Variants in RUFY1 observed in about 807,000 individuals in gnomAD.
RUFY1 encodes RUN and FYVE domain-containing protein 1.
In RUFY1, 54 loss-of-function variants were observed where a neutral mutation model predicts 94.6. The ratio of observed to expected loss-of-function variants is 0.57; its 90% CI spans 0.46 to 0.72. RUFY1 has a LOEUF of 0.72. Ranked by LOEUF, RUFY1 falls within the 30% of genes least tolerant of loss-of-function variation. The pLI, the probability that RUFY1 is intolerant of heterozygous loss-of-function variation, is 0.00. For missense variants in RUFY1, 883 were observed against 883.9 expected (o/e 1.00, Z 0.01); for synonymous variants, 396 against 347.3 (o/e 1.14, Z -1.56).
At position 179,571,305 on chromosome 5, in the gene RUFY1, G is replaced by A. The variant is rs183370902; in HGVS notation, c.828+1880G>A. 2.3e-3 allele frequency among the ~76,000 whole-genome samples: 351 copies of A among 152,116 alleles called. 1 individual carries two copies. The highest frequency in any genetic ancestry group is 6.6e-3 in the African/African-American group (272 of 41,524). On this transcript the variant is annotated intron_variant, in intron 5 of 17. Transcript: ENST00000319449. ...GAGCCCAGGAATTTGAGACCAGCCCGGGCAAAATAGTGAGACCTTGTCTCT... is the reference window on the plus strand; with the variant it reads ...GAGCCCAGGAATTTGAGACCAGCCCAGGCAAAATAGTGAGACCTTGTCTCT...
intron 1 of RUFY1, among the ~76,000 whole-genome samples, chr5:179,554,899 C>T (rs1462021756): frequency 6.6e-6 from 1 of 151,554 alleles, no homozygotes; most frequent in Non-Finnish European, 1.5e-5. Context: ...AACCAGGAGG[C>T]AGAAGTTGCA....
intron 3 of RUFY1, among the ~76,000 whole-genome samples, chr5:179,564,940 TACTC>T (rs1450125263): frequency 1.3e-4 from 20 of 152,154 alleles, no homozygotes. Context: ...AGATGACAGA[TACTC>T]AGCGAAATAA....
chr5:179,555,414 T>C (rs771084633), intron 1 of RUFY1, among the ~76,000 whole-genome samples: 4 of 152,124 alleles, frequency 2.6e-5, no homozygotes, highest in African/African-American at 4.8e-5. Context: ...AATTGAGAGA[T>C]AGAACCGCTA....
intron 14 of RUFY1, 41 bp downstream of exon 14, chr5:179,598,862 C>A: frequency 6.2e-7 from 1 of 1,611,670 alleles, no homozygotes; most frequent in Non-Finnish European, 8.5e-7. Context: ...CTCTGGCAGC[C>A]TCCAGAAACC....
intron 1 of RUFY1, 21 bp from the exon 2 acceptor site, chr5:179,560,004 A>AT (rs762521790): frequency 1.2e-6 from 2 of 1,608,816 alleles, no homozygotes; most frequent in African/African-American, 1.3e-5. Flanking sequence ...TAACGAAGCT[A>AT]TCCCTGCTCC....
At chr5:179,559,831 T>C in intron 1 of RUFY1, 194 bp from the exon 2 acceptor site, 1 of 1,343,112 alleles carries the variant, frequency 7.4e-7, no homozygotes, top group Non-Finnish European at 9.5e-7. Context: ...GGCCCCGCCG[T>C]CCAGGTAGGG....
chr5:179,555,469 C>T (rs1193784422), intron 1 of RUFY1, among the ~76,000 whole-genome samples: 1 of 152,024 alleles, frequency 6.6e-6, no homozygotes, highest in African/African-American at 2.4e-5. Context: ...AACTTGAGTG[C>T]TAATGGGTAC....
At chr5:179,571,122 T>A (rs970690644) in intron 5 of RUFY1, among the ~76,000 whole-genome samples, 2 of 152,250 alleles carry the variant, frequency 1.3e-5, no homozygotes, top group Non-Finnish European at 2.9e-5. Flanking sequence ...ATAAACCATT[T>A]AAAATGACTA....
intron 10 of RUFY1, 148 bp downstream of exon 10, chr5:179,591,889 A>G: frequency 2.0e-6 from 1 of 506,318 alleles, no homozygotes; most frequent in Non-Finnish European, 3.5e-6. Context: ...GTCTATGGTT[A>G]CAACTCAGTT....
At chr5:179,601,086 C>T (rs1432261087) in intron 14 of RUFY1, among the ~76,000 whole-genome samples, 1 of 152,194 alleles carries the variant, frequency 6.6e-6, no homozygotes, top group Non-Finnish European at 1.5e-5. Flanking sequence ...GAGTGCTTGC[C>T]TTTTAGCTGC....
At chr5:179,595,032 C>A in intron 12 of RUFY1, 69 bp downstream of exon 12, 2 of 1,141,882 alleles carry the variant, frequency 1.8e-6, no homozygotes, top group Non-Finnish European at 2.6e-6. Context: ...GAGACTTATT[C>A]AGAGTCCCTC....
intron 6 of RUFY1, among the ~76,000 whole-genome samples, chr5:179,578,701 T>C (rs1281687827): frequency 3.9e-5 from 6 of 152,156 alleles, no homozygotes; most frequent in Non-Finnish European, 2.9e-5. Context: ...TAGAGTGCAG[T>C]GGCACGATCT....
chr5:179,560,146 C>G lies in RUFY1; in HGVS notation c.432C>G (p.Pro144=), dbSNP rs923204668. The G allele has an allele frequency of 1.5e-5, 25 of 1,613,936 alleles. No individual in the cohort carries two copies. Among genetic ancestry groups the G allele is most frequent in the Non-Finnish European group, 1.9e-5 (22 of 1,179,990 alleles). ...GCAGCCTGGATGCGGACCATGCCCCCTTGCAGCAGTTCTTTGTAGTGATGG... is the reference window on the plus strand; with the variant it reads ...GCAGCCTGGATGCGGACCATGCCCCGTTGCAGCAGTTCTTTGTAGTGATGG... ...LGRSLDADHA[P]LQQFFVVMEH... The change falls in exon 2 of 18, where the codon CCC becomes CCG. Residue 144 remains proline (P), a synonymous_variant. Transcript: ENST00000319449.
chr5:179,608,793 C>T (rs1340824859), intron 17 of RUFY1, among the ~76,000 whole-genome samples: 3 of 151,718 alleles, frequency 2.0e-5, no homozygotes, highest in Non-Finnish European at 2.9e-5. Flanking sequence ...TAACCGGGCA[C>T]GGTGGCAGGC....
At chr5:179,579,751 C>T in intron 6 of RUFY1, among the ~76,000 whole-genome samples, 1 of 141,952 alleles carries the variant, frequency 7.0e-6, no homozygotes, top group African/African-American at 2.6e-5. Context: ...GCAACCTCTG[C>T]CTCCCGAGTT....
intron 14 of RUFY1, among the ~76,000 whole-genome samples, chr5:179,599,828 C>T (rs751123243): frequency 7.2e-5 from 11 of 152,270 alleles, no homozygotes; most frequent in Non-Finnish European, 1.6e-4. Context: ...GCACCTGCCC[C>T]GGAGGGGCCT....
intron 1 of RUFY1, among the ~76,000 whole-genome samples, chr5:179,556,824 T>C (rs1473418387): frequency 6.6e-6 from 1 of 152,144 alleles, no homozygotes; most frequent in Non-Finnish European, 1.5e-5. Flanking sequence ...CTAAATGAGA[T>C]GAATGGTGTT....
intron 6 of RUFY1, 23 bp downstream of exon 6, chr5:179,577,159 C>CT (rs748319712): frequency 0.012 from 2,203 of 186,450 alleles, 234 homozygotes; most frequent in South Asian, 0.018. Context: ...TTGTATGTCA[C>CT]TTTTTTTTTT....
chr5:179,591,002 T>A (rs112374521), intron 9 of RUFY1: 1 of 150,824 alleles, frequency 6.6e-6, no homozygotes, highest in African/African-American at 2.4e-5. Context: ...CCCGACTAAT[T>A]TTTGTATTTT....
Sources: allele counts gnomAD v4.1 joint callset (sites outside exome capture counted in the v4.1 genomes callset), GRCh38; gene constraint gnomAD v4.1.1; transcripts MANE v1.5; gene names NCBI Gene and HGNC (gene_info 2026-07-23, HGNC 2026-07-21).